The following SNX29 variants were observed in gnomAD, a reference collection of about 807,000 sequenced individuals.
SNX29 encodes the protein sorting nexin-29.
In SNX29, 78 loss-of-function variants were observed where a neutral mutation model predicts 102.1. The observed-to-expected ratio is 0.76, with a 90% CI of 0.64 to 0.92. The LOEUF is 0.92. SNX29 is among the 40% of genes least tolerant of loss of function. SNX29 has a pLI of 0.00. For missense variants in SNX29, 1,280 were observed against 1,061.7 expected, an observed-to-expected ratio of 1.21 and a Z score of -2.86; for synonymous variants, 580 against 414.5, an observed-to-expected ratio of 1.40 and a Z score of -4.85.
At chr16:12,532,180 CAATG>C (rs1381127275) in intron 20 of SNX29, among the ~76,000 whole-genome samples, 1 of 152,206 alleles carries the variant, frequency 6.6e-6, no homozygotes, top group African/African-American at 2.4e-5. Flanking sequence ...CTACTGCAAA[CAATG>C]AATCATTCTT....
In SNX29 at chr16:12,398,515, C is replaced by G. The variant is rs185635350; in HGVS notation, c.1955+14C>G. The G allele has an allele frequency of 7.9e-5, 127 of 1,613,920 alleles. 1 individual carries two copies. In the East Asian group the frequency reaches 2.2e-3, roughly 28 times the overall value. On this transcript the variant is annotated intron_variant, in intron 17 of 20. Coordinates refer to ENST00000566228, the MANE Select transcript of SNX29 (RefSeq NM_032167.5). ...GGATTTTGAAATGTAAGTCCACAGC[C>G]TGTGCTCACAAGGGGTCCTTTAGAA... is the stretch of plus-strand genomic sequence containing the variant.
At chr16:12,275,333 C>G (rs114265269) in intron 14 of SNX29, among the ~76,000 whole-genome samples, 4 of 152,280 alleles carry the variant, frequency 2.6e-5, no homozygotes, top group African/African-American at 9.6e-5. Flanking sequence ...CTCAGAAGTT[C>G]AGTGTGTGTT....
intron 16 of SNX29, among the ~76,000 whole-genome samples, chr16:12,395,891 T>C (rs537278480): frequency 6.6e-6 from 1 of 152,222 alleles, no homozygotes; most frequent in East Asian, 1.9e-4. Context: ...AAGACAAAAT[T>C]TGATGTTGAG....
chr16:12,565,871 C>A (rs144579489), intron 20 of SNX29, among the ~76,000 whole-genome samples: 1 of 152,192 alleles, frequency 6.6e-6, no homozygotes, highest in South Asian at 2.1e-4. Context: ...GTGCCCTGCT[C>A]AGAACAACCT....
intron 11 of SNX29, among the ~76,000 whole-genome samples, chr16:12,119,170 T>TTGGA (rs2053868692): frequency 6.6e-6 from 1 of 152,190 alleles, no homozygotes; most frequent in Non-Finnish European, 1.5e-5. Context: ...GTGGCAGCCA[T>TTGGA]GTCCCCGCAT....
chr16:12,432,398 C>T (rs570455057), intron 18 of SNX29, among the ~76,000 whole-genome samples: 1 of 152,310 alleles, frequency 6.6e-6, no homozygotes, highest in South Asian at 2.1e-4. Context: ...AAGGGGCACA[C>T]ACCAGGACTG....
intron 11 of SNX29, among the ~76,000 whole-genome samples, chr16:12,110,292 C>T (rs188088716): frequency 3.3e-5 from 5 of 152,226 alleles, no homozygotes; most frequent in African/African-American, 2.4e-5. Context: ...GTGAGGCAGC[C>T]CTTCCTCCCA....
intron 18 of SNX29, among the ~76,000 whole-genome samples, chr16:12,430,643 T>C (rs2085272416): frequency 6.6e-6 from 1 of 152,250 alleles, no homozygotes; most frequent in African/African-American, 2.4e-5. Flanking sequence ...AGCACTTATA[T>C]AGTCCCAGTA....
intron 20 of SNX29, among the ~76,000 whole-genome samples, chr16:12,547,904 C>T (rs895564365): frequency 1.3e-5 from 2 of 152,122 alleles, no homozygotes; most frequent in Non-Finnish European, 2.9e-5. Flanking sequence ...TGTATAGGAG[C>T]TGCTCTTAGG....
chr16:12,333,123 T>TTTTTTTTG (rs2081345065), intron 15 of SNX29, among the ~76,000 whole-genome samples: 1 of 151,032 alleles, frequency 6.6e-6, no homozygotes, highest in African/African-American at 2.4e-5. Flanking sequence ...TTTTTTTTTT[T>TTTTTTTTG]GAGGCAGAGT....
chr16:12,553,035 G>A (rs890220691), intron 20 of SNX29, among the ~76,000 whole-genome samples: 11 of 152,226 alleles, frequency 7.2e-5, no homozygotes, highest in Non-Finnish European at 1.0e-4. Flanking sequence ...TTAAGAGGCT[G>A]GGGACACTAA....
chr16:12,555,891 T>C (rs2078310860), intron 20 of SNX29, among the ~76,000 whole-genome samples: 1 of 152,058 alleles, frequency 6.6e-6, no homozygotes, highest in South Asian at 2.1e-4. Context: ...TCTGCCCTCC[T>C]GTTCTTGGTC....
chr16:12,534,806 C>T (rs888190349), intron 20 of SNX29, among the ~76,000 whole-genome samples: 1 of 152,172 alleles, frequency 6.6e-6, no homozygotes. Flanking sequence ...TTTTGCCTTA[C>T]TCCCCAGTTC....
chr16:12,082,363 G>C (rs764470257), intron 11 of SNX29, among the ~76,000 whole-genome samples: 5 of 152,140 alleles, frequency 3.3e-5, no homozygotes, highest in Non-Finnish European at 5.9e-5. Flanking sequence ...CAGCATCTCA[G>C]ATAAACACGG....
chr16:12,439,907 C>G (rs1409722937), intron 18 of SNX29, among the ~76,000 whole-genome samples: 2 of 152,214 alleles, frequency 1.3e-5, no homozygotes, highest in Non-Finnish European at 2.9e-5. Flanking sequence ...TTTCCTGGCT[C>G]TCCCTGAGTA....
intron 18 of SNX29, chr16:12,443,334 G>A (rs1000004766): frequency 1.4e-4 from 23 of 169,472 alleles, no homozygotes; most frequent in Admixed American, 3.6e-4. Context: ...GAGTCTTTGC[G>A]CAGATACTCT....
At position 12,149,586 on chromosome 16, in the gene SNX29, C is replaced by G. The variant is rs1427691904; in HGVS notation, c.1595+19828C>G. ...CTTTTGATTCACAAAGACCTTGACT[C>G]TAATCCCTGCAGTAAGCACTTGCTA... On this transcript the variant is annotated intron_variant, in intron 13 of 20. Transcript: ENST00000566228. Among the ~76,000 whole-genome samples the G allele has an allele frequency of 2.0e-5, 3 of 152,322 alleles. No homozygotes were observed. In the East Asian group the frequency reaches 5.8e-4, roughly 29 times the overall value.
intron 20 of SNX29, among the ~76,000 whole-genome samples, chr16:12,532,602 G>A (rs1013203752): frequency 6.6e-6 from 1 of 151,530 alleles, no homozygotes; most frequent in Non-Finnish European, 1.5e-5. Context: ...GTCTGTCTGA[G>A]GTATTTGGAA....
At chr16:12,555,792 C>T (rs1024957603) in intron 20 of SNX29, among the ~76,000 whole-genome samples, 11 of 152,008 alleles carry the variant, frequency 7.2e-5, no homozygotes, top group African/African-American at 2.7e-4. Flanking sequence ...CAGGCAGGCA[C>T]ACTCCTGCCT....
Sources: allele counts gnomAD v4.1 joint callset (sites outside exome capture counted in the v4.1 genomes callset), GRCh38; gene constraint gnomAD v4.1.1; transcripts MANE v1.5; gene names NCBI Gene and HGNC (gene_info 2026-07-23, HGNC 2026-07-21).